DSCAM: variants seen among roughly 807,000 people sequenced by gnomAD.
The protein encoded by DSCAM is cell adhesion molecule DSCAM.
DSCAM carries 47 observed loss-of-function variants against 217.7 expected under a neutral mutation model. The observed-to-expected ratio is 0.22, with a 90% CI of 0.17 to 0.28. DSCAM has a LOEUF of 0.28. Among genes scored for constraint, DSCAM ranks in the 10% least tolerant of loss-of-function variants. The pLI is 1.00. For synonymous variants in DSCAM, 1,056 were observed against 1,015.3 expected, an observed-to-expected ratio of 1.04 and a Z score of -0.76; for missense variants, 2,080 against 2,618.3, an observed-to-expected ratio of 0.79 and a Z score of 4.49.
chr21:40,171,713 T>C (rs2146784164), intron 15 of DSCAM, among the ~76,000 whole-genome samples: 1 of 152,296 alleles, frequency 6.6e-6, no homozygotes, highest in South Asian at 2.1e-4. Context: ...AATTTTCTAC[T>C]ATGTTTCTAA....
intron 3 of DSCAM, among the ~76,000 whole-genome samples, chr21:40,563,003 T>G (rs1232684894): frequency 2.6e-5 from 4 of 152,226 alleles, no homozygotes; most frequent in Non-Finnish European, 5.9e-5. Flanking sequence ...AGGCTACATG[T>G]GCAGAATTTG....
intron 3 of DSCAM, among the ~76,000 whole-genome samples, chr21:40,467,174 T>G (rs903723184): frequency 1.3e-5 from 2 of 152,236 alleles, no homozygotes; most frequent in African/African-American, 4.8e-5. Flanking sequence ...AAACAACAAA[T>G]TTAAATATAA....
At chr21:40,609,802 T>C in intron 3 of DSCAM, among the ~76,000 whole-genome samples, 1 of 152,234 alleles carries the variant, frequency 6.6e-6, no homozygotes, top group Non-Finnish European at 1.5e-5. Context: ...CAGCATTTGC[T>C]TTGACAGAGG....
intron 9 of DSCAM, among the ~76,000 whole-genome samples, chr21:40,304,507 T>A (rs2074050687): frequency 6.6e-6 from 1 of 152,258 alleles, no homozygotes; most frequent in Admixed American, 6.5e-5. Flanking sequence ...TTTTCCTTTG[T>A]GTTTACAATG....
chr21:40,480,359 C>T (rs533097707), intron 3 of DSCAM, among the ~76,000 whole-genome samples: 11 of 152,316 alleles, frequency 7.2e-5, no homozygotes, highest in Non-Finnish European at 1.3e-4. Flanking sequence ...ATTGCTCTTT[C>T]CCTCCTGGTA....
chr21:40,340,303 C>A lies in DSCAM; in HGVS notation c.1211-888G>T, dbSNP rs374604282. Among the ~76,000 whole-genome samples, 31 of 152,284 alleles carry A rather than the reference C, an allele frequency of 2.0e-4. No homozygotes were observed. The East Asian group carries it at 2.1e-3, about 10-fold the overall frequency. ...TTAGAGAAGTCTCCATAGAAATTTT[C>A]AGTATGTTTACATAGATCAAATTTT... On this transcript the variant is annotated intron_variant, in intron 6 of 32. Transcript: ENST00000400454.
chr21:40,235,688 G>A (rs1254798581), intron 11 of DSCAM, among the ~76,000 whole-genome samples: 1 of 151,886 alleles, frequency 6.6e-6, no homozygotes, highest in Non-Finnish European at 1.5e-5. Context: ...GTATTCATCT[G>A]CAAGCAAATT....
chr21:40,064,203 A>G (rs767300637), intron 27 of DSCAM, among the ~76,000 whole-genome samples: 2 of 152,068 alleles, frequency 1.3e-5, no homozygotes, highest in African/African-American at 4.8e-5. Context: ...ACACATACAT[A>G]TAATGCCAGA....
At chr21:40,117,804 A>G (rs1216928946) in intron 20 of DSCAM, among the ~76,000 whole-genome samples, 1 of 152,230 alleles carries the variant, frequency 6.6e-6, no homozygotes, top group Non-Finnish European at 1.5e-5. Flanking sequence ...CCATAGGTAT[A>G]AAGCTTTTGG....
At chr21:40,324,127 A>AG (rs2074291716) in intron 8 of DSCAM, among the ~76,000 whole-genome samples, 5 of 129,070 alleles carry the variant, frequency 3.9e-5, no homozygotes, top group South Asian at 2.3e-4. Flanking sequence ...AAAAAAAAAA[A>AG]AAAAGAAAAA....
intron 15 of DSCAM, among the ~76,000 whole-genome samples, chr21:40,168,981 AAATCAT>A (rs1185513692): frequency 6.6e-6 from 1 of 152,216 alleles, no homozygotes; most frequent in Non-Finnish European, 1.5e-5. Context: ...TAAATATAAG[AAATCAT>A]AATCATAATA....
chr21:40,530,770 G>A lies in DSCAM; in HGVS notation c.509-161525C>T, dbSNP rs750372351. On this transcript the variant is annotated intron_variant, in intron 3 of 32. Coordinates refer to ENST00000400454, the MANE Select transcript of DSCAM (RefSeq NM_001389.5). ...CACAGTTTCCACCACCCACCCCATC[G>A]CTCGATAAGGGAGTCACAACATCCT... 3.7e-4 allele frequency among the ~76,000 whole-genome samples: 56 copies of A among 151,942 alleles called. 1 individual carries two copies. The highest frequency in any genetic ancestry group is 8.5e-4 in the Admixed American group (13 of 15,256).
At chr21:40,623,310 T>C (rs2089548450) in intron 3 of DSCAM, among the ~76,000 whole-genome samples, 1 of 152,198 alleles carries the variant, frequency 6.6e-6, no homozygotes, top group Non-Finnish European at 1.5e-5. Context: ...AGAGCAAAGT[T>C]CCTTTGTTTT....
intron 32 of DSCAM, 111 bp downstream of exon 32, chr21:40,042,260 C>T (rs2088764454): frequency 8.7e-7 from 1 of 1,148,894 alleles, no homozygotes; most frequent in African/African-American, 1.5e-5. Context: ...CATCCATAAA[C>T]AGAGCACCCA....
chr21:40,119,944 C>T (rs576973867), intron 20 of DSCAM, among the ~76,000 whole-genome samples: 16 of 152,110 alleles, frequency 1.1e-4, no homozygotes, highest in South Asian at 4.2e-4. Context: ...TTCTGGTTCT[C>T]GGAAGTCCCC....
intron 3 of DSCAM, among the ~76,000 whole-genome samples, chr21:40,503,192 A>G (rs1479165166): frequency 2.0e-5 from 3 of 152,220 alleles, no homozygotes; most frequent in Non-Finnish European, 2.9e-5. Flanking sequence ...CAAAGGCCAC[A>G]CTGCTGATGG....
At chr21:40,019,054 A>G (rs974416749) in intron 32 of DSCAM, among the ~76,000 whole-genome samples, 1 of 152,236 alleles carries the variant, frequency 6.6e-6, no homozygotes, top group Non-Finnish European at 1.5e-5. Context: ...AGAGCACCAG[A>G]GTAGTCAGCG....
At chr21:40,097,940 C>CA (rs1311731207) in intron 20 of DSCAM, among the ~76,000 whole-genome samples, 213 of 10,100 alleles carry the variant, frequency 0.021, 23 homozygotes, top group Middle Eastern at 0.2. Flanking sequence ...GACTCTGTCT[C>CA]AAAAAAAAAA....
In DSCAM at chr21:40,734,667, A is replaced by G. The variant is rs141344655; in HGVS notation, c.44-25896T>C. On this transcript the variant is annotated intron_variant, in intron 1 of 32. Coordinates refer to ENST00000400454, the MANE Select transcript of DSCAM (RefSeq NM_001389.5). ...CAAGCAGCCTCTTAGGAAAAATTCA[A>G]CTGGGACCTCCATCCCACCATTCCA... is the stretch of plus-strand genomic sequence containing the variant. 5.1e-3 allele frequency among the ~76,000 whole-genome samples: 784 copies of G among 152,290 alleles called. 5 individuals carry two copies. Among genetic ancestry groups the G allele is most frequent in the Non-Finnish European group, 4.5e-3 (308 of 68,040 alleles).
Sources: gnomAD v4.1 joint callset for allele counts (sites outside exome capture counted in the v4.1 genomes callset) on GRCh38, gnomAD v4.1.1 for gene constraint, MANE v1.5 for transcripts, NCBI Gene and HGNC (gene_info 2026-07-23, HGNC 2026-07-21) for gene names.